The following PLCB4 variants were observed in gnomAD, a reference collection of about 807,000 sequenced individuals.
The protein encoded by PLCB4 is 1-phosphatidylinositol 4,5-bisphosphate phosphodiesterase beta-4.
In PLCB4, 77 loss-of-function variants were observed where a neutral mutation model predicts 178.8. The observed-to-expected ratio is 0.43, with a 90% CI of 0.36 to 0.52. PLCB4 has a LOEUF of 0.52. Ranked by LOEUF, PLCB4 falls within the 20% of genes least tolerant of loss-of-function variation. The probability of loss-of-function intolerance (pLI) is 0.00; values close to 1 mark genes in which losing one functional copy is unlikely to be tolerated. For missense variants in PLCB4, 1,024 were observed against 1,453.4 expected, an observed-to-expected ratio of 0.70 and a Z score of 4.80; for synonymous variants, 496 against 490.8, an observed-to-expected ratio of 1.01 and a Z score of -0.14.
At position 9,479,198 on chromosome 20, in the gene PLCB4, A is replaced by C; in HGVS notation, c.*189A>C. On this transcript the variant is annotated 3_prime_UTR_variant, in exon 40 of 40. Transcript: ENST00000378473. The stretch of plus-strand genomic sequence containing the variant: ...ATTGCATTTCCTTGGCCAAACAAAA[A>C]TAGCTACAAATCCACAAAAATTTAC... 1.7e-6 allele frequency: 1 copy of C among 574,900 alleles called. No homozygotes were observed. The highest frequency in any genetic ancestry group is 3.1e-6 in the Non-Finnish European group (1 of 320,812). The allele number at this position is 574,900 out of a possible 1,614,324, so 35.6% of individuals were successfully genotyped here.
At chr20:9,437,642 G>A (rs1432375019) in intron 30 of PLCB4, among the ~76,000 whole-genome samples, 5 of 152,192 alleles carry the variant, frequency 3.3e-5, no homozygotes, top group Non-Finnish European at 7.3e-5. Context: ...ATTCCATACT[G>A]GAGGGAAAGT....
intron 2 of PLCB4, among the ~76,000 whole-genome samples, chr20:9,209,963 C>CAAAAA (rs58424232): frequency 2.3e-4 from 11 of 47,858 alleles, no homozygotes; most frequent in South Asian, 9.8e-4. Flanking sequence ...GACTCTGTCT[C>CAAAAA]AAAAAAAAAA....
chr20:9,336,461 G>T (rs2032476998), intron 4 of PLCB4, among the ~76,000 whole-genome samples: 1 of 152,130 alleles, frequency 6.6e-6, no homozygotes, highest in Non-Finnish European at 1.5e-5. Flanking sequence ...AGCAATGGTT[G>T]TCAAACTTTC....
Position 9,435,542 on chromosome 20 carries a change from G to C in PLCB4, c.2525-18G>C. 6.9e-7 allele frequency: 1 copy of C among 1,445,696 alleles called. No homozygotes were observed. The highest frequency in any genetic ancestry group is 1.2e-5 in the South Asian group (1 of 84,730). 89.6% of individuals were successfully genotyped at this position (1,445,696 alleles called of 1,614,324 possible). A position where few individuals can be genotyped will look rare whatever the true frequency, so the allele number is the denominator to read the frequency against. On this transcript the variant is annotated intron_variant, in intron 28 of 39. Coordinates refer to ENST00000378473, the MANE Select transcript of PLCB4 (RefSeq NM_001377142.1). ...AAAACAGAGAATTAACGGCTCATTG[G>C]GTTTTTTTTTCCCCTAGATATCGTG...
At chr20:9,451,951 G>A (rs1021901318) in intron 32 of PLCB4, among the ~76,000 whole-genome samples, 3 of 152,200 alleles carry the variant, frequency 2.0e-5, no homozygotes, top group Admixed American at 2.0e-4. Flanking sequence ...GCACAAAGGT[G>A]CACACACATT....
At chr20:9,159,125 G>T (rs186106285) in intron 2 of PLCB4, among the ~76,000 whole-genome samples, 2 of 152,290 alleles carry the variant, frequency 1.3e-5, no homozygotes, top group Non-Finnish European at 2.9e-5. Context: ...CTGGTCTCTA[G>T]AAGGCCAGTT....
chr20:9,136,725 G>A (rs760311978), intron 2 of PLCB4, among the ~76,000 whole-genome samples: 32 of 152,178 alleles, frequency 2.1e-4, no homozygotes, highest in Admixed American at 3.9e-4. Context: ...CAAACACCTT[G>A]TCTTTGCTCT....
intron 2 of PLCB4, among the ~76,000 whole-genome samples, chr20:9,146,619 A>G (rs1322018238): frequency 6.6e-6 from 1 of 152,148 alleles, no homozygotes; most frequent in East Asian, 1.9e-4. Flanking sequence ...GAAGCAAGAC[A>G]AAAGTATTTG....
chr20:9,227,637 T>A (rs2093883665), intron 3 of PLCB4, among the ~76,000 whole-genome samples: 2 of 152,100 alleles, frequency 1.3e-5, no homozygotes, highest in South Asian at 4.1e-4. Flanking sequence ...GCTGTAGATT[T>A]GTGGGTTTAT....
At chr20:9,176,871 G>A (rs2093164079) in intron 2 of PLCB4, among the ~76,000 whole-genome samples, 1 of 152,082 alleles carries the variant, frequency 6.6e-6, no homozygotes, top group Admixed American at 6.6e-5. Context: ...CTCTGACTTG[G>A]GAAAAGATAA....
chr20:9,154,732 CTCCCTCCCTCCTTTCCTT>C (rs370394693), intron 2 of PLCB4, among the ~76,000 whole-genome samples: 108 of 151,228 alleles, frequency 7.1e-4, no homozygotes, highest in South Asian at 2.7e-3. Flanking sequence ...AACCCTCTCC[CTCCCTCCCTCCTTTCCTT>C]TCCCTCCCTC....
At chr20:9,171,159 G>A (rs892941271) in intron 2 of PLCB4, among the ~76,000 whole-genome samples, 1 of 152,032 alleles carries the variant, frequency 6.6e-6, no homozygotes, top group Non-Finnish European at 1.5e-5. Flanking sequence ...ATTTATAAAC[G>A]ATGGGTTTAT....
At chr20:9,272,556 T>A (rs1431272119) in intron 3 of PLCB4, among the ~76,000 whole-genome samples, 2 of 152,116 alleles carry the variant, frequency 1.3e-5, no homozygotes, top group African/African-American at 4.8e-5. Flanking sequence ...CTGAATTACA[T>A]GCAAGCCTGG....
chr20:9,132,240 A>G (rs900141542), intron 2 of PLCB4, among the ~76,000 whole-genome samples: 25 of 152,116 alleles, frequency 1.6e-4, no homozygotes, highest in Admixed American at 1.2e-3. Flanking sequence ...GCATTTCATA[A>G]TGCTATAGTG....
rs574666490 is a variant in PLCB4, at chr20:9,250,597, C to T, written c.-16+33145C>T. The stretch of plus-strand genomic sequence containing the variant: ...GAGATGTGTGAGCACATATTCTTAC[C>T]ATAGTTCTGTAACGTAGGCAGGCAT... On this transcript the variant is annotated intron_variant, in intron 3 of 39. Transcript: ENST00000378473. 1.1e-4 allele frequency among the ~76,000 whole-genome samples: 17 copies of T among 152,282 alleles called. 1 individual carries two copies. The East Asian group carries it at 3.3e-3, about 29-fold the overall frequency.
chr20:9,438,073 T>G (rs1228842248), intron 30 of PLCB4, among the ~76,000 whole-genome samples: 1 of 152,080 alleles, frequency 6.6e-6, no homozygotes, highest in Non-Finnish European at 1.5e-5. Flanking sequence ...TAGAAATAAG[T>G]TGGCAGCTTG....
intron 2 of PLCB4, among the ~76,000 whole-genome samples, chr20:9,097,593 C>T (rs566195648): frequency 6.6e-6 from 1 of 152,150 alleles, no homozygotes; most frequent in African/African-American, 2.4e-5. Context: ...AACAATTTGT[C>T]CTGATTTAAT....
chr20:9,354,380 C>T (rs1162229968), intron 7 of PLCB4, among the ~76,000 whole-genome samples: 1 of 152,164 alleles, frequency 6.6e-6, no homozygotes, highest in Non-Finnish European at 1.5e-5. Flanking sequence ...CTCCAGTGGC[C>T]ACCTACACAC....
chr20:9,170,824 C>T (rs895105937), intron 2 of PLCB4, among the ~76,000 whole-genome samples: 6 of 152,134 alleles, frequency 3.9e-5, no homozygotes, highest in Non-Finnish European at 8.8e-5. Context: ...GTCTGAATTG[C>T]CAGACTCTCA....
Sources: gnomAD v4.1 joint callset for allele counts (sites outside exome capture counted in the v4.1 genomes callset) on GRCh38, gnomAD v4.1.1 for gene constraint, MANE v1.5 for transcripts, NCBI Gene and HGNC (gene_info 2026-07-23, HGNC 2026-07-21) for gene names.